Variants in SOX5 observed in about 807,000 individuals in gnomAD.
SOX5 encodes SRY-box transcription factor 5, also known as transcription factor SOX-5.
A neutral mutation model predicts 92.0 loss-of-function variants in SOX5; 9 were observed. The ratio of observed to expected loss-of-function variants is 0.10; its 90% CI spans 0.06 to 0.17. The LOEUF (loss-of-function observed/expected upper bound fraction) is 0.17. SOX5 is among the 10% of genes least tolerant of loss of function. The probability of loss-of-function intolerance (pLI) is 1.00; values close to 1 mark genes in which losing one functional copy is unlikely to be tolerated. For synonymous variants in SOX5, 344 were observed against 336.3 expected, an observed-to-expected ratio of 1.02 and a Z score of -0.25; for missense variants, 642 against 944.5, an observed-to-expected ratio of 0.68 and a Z score of 4.20.
intron 4 of SOX5, among the ~76,000 whole-genome samples, chr12:24,043,819 C>T (rs899957659): frequency 6.6e-6 from 1 of 152,046 alleles, no homozygotes; most frequent in African/African-American, 2.4e-5. Context: ...AGGAGAAGAA[C>T]AATATATAAT....
At chr12:24,511,829 G>T (rs991487895) in intron 1 of SOX5, among the ~76,000 whole-genome samples, 1 of 151,834 alleles carries the variant, frequency 6.6e-6, no homozygotes. Flanking sequence ...GTGGTGGCGG[G>T]TGCCTGTAGT....
At chr12:23,643,040 T>A (rs1364029269) in intron 7 of SOX5, among the ~76,000 whole-genome samples, 1,754 of 119,744 alleles carry the variant, frequency 0.015, 66 homozygotes, top group African/African-American at 0.055. Context: ...TGAGCCGAGA[T>A]CCCGCCACTG....
chr12:24,482,779 T>C (rs1946136921), intron 1 of SOX5, among the ~76,000 whole-genome samples: 1 of 152,166 alleles, frequency 6.6e-6, no homozygotes, highest in Non-Finnish European at 1.5e-5. Flanking sequence ...ACCACATAAA[T>C]GTGGATTAAT....
chr12:23,749,385 T>C lies in SOX5; in HGVS notation c.568+6253A>G, dbSNP rs904915879. On this transcript the variant is annotated intron_variant, in intron 4 of 14. Transcript: ENST00000451604. ...ATTCTTACCTTTTTAAATATGTTTA[T>C]GATTTCTTTTGACATGATAATGTTG... Among the ~76,000 whole-genome samples, 14 of 152,058 alleles carry C rather than the reference T, an allele frequency of 9.2e-5. No individual in the cohort carries two copies. In the East Asian group the frequency reaches 2.5e-3, roughly 27 times the overall value.
At chr12:24,294,081 C>G (rs539664570) in intron 2 of SOX5, among the ~76,000 whole-genome samples, 1 of 152,288 alleles carries the variant, frequency 6.6e-6, no homozygotes, top group South Asian at 2.1e-4. Context: ...TACATGTGTT[C>G]GTAAGTGCAG....
chr12:24,545,912 C>A (rs1461543149), intron 1 of SOX5, among the ~76,000 whole-genome samples: 1 of 152,176 alleles, frequency 6.6e-6, no homozygotes, highest in Admixed American at 6.5e-5. Flanking sequence ...TCCCCATTGG[C>A]GAGCTGAAGC....
At chr12:23,801,528 T>A (rs556966712) in intron 3 of SOX5, among the ~76,000 whole-genome samples, 43 of 152,332 alleles carry the variant, frequency 2.8e-4, no homozygotes, top group African/African-American at 9.6e-4. Context: ...TCCTTTTACG[T>A]ACATTTTGTG....
intron 1 of SOX5, among the ~76,000 whole-genome samples, chr12:23,925,377 G>C (rs2139002741): frequency 6.6e-6 from 1 of 152,174 alleles, no homozygotes; most frequent in East Asian, 1.9e-4. Context: ...ATTTATAGGA[G>C]AGTGGTTCAT....
At chr12:23,715,835 T>A (rs370889856) in intron 6 of SOX5, among the ~76,000 whole-genome samples, 99 of 125,048 alleles carry the variant, frequency 7.9e-4, no homozygotes, top group Non-Finnish European at 1.2e-3. Context: ...AAAAAAAAAC[T>A]TGGCCTCAAA....
chr12:24,526,225 T>G (rs1197349121), intron 1 of SOX5, among the ~76,000 whole-genome samples: 1 of 151,918 alleles, frequency 6.6e-6, no homozygotes, highest in African/African-American at 2.4e-5. Flanking sequence ...AAATGTGTAG[T>G]AGCTGGAAAG....
At chr12:23,611,394 G>GTGTGTA (rs557191910) in intron 8 of SOX5, among the ~76,000 whole-genome samples, 255 of 148,446 alleles carry the variant, frequency 1.7e-3, no homozygotes, top group African/African-American at 5.4e-3. Context: ...GTGTGTGTGT[G>GTGTGTA]TATTTATACA....
chr12:24,085,293 G>T (rs1170057596), intron 4 of SOX5, among the ~76,000 whole-genome samples: 5 of 152,034 alleles, frequency 3.3e-5, no homozygotes, highest in Non-Finnish European at 5.9e-5. Flanking sequence ...TGTAATGTGG[G>T]CTCATGCCAG....
chr12:24,331,848 CAAAAAAAAAAAA>C (rs10627494), intron 2 of SOX5, among the ~76,000 whole-genome samples: 1 of 31,658 alleles, frequency 3.2e-5, no homozygotes, highest in Non-Finnish European at 5.2e-5. Flanking sequence ...AAGACTGTCT[CAAAAAAAAAAAA>C]AAAAAAAAAA....
chr12:24,212,574 G>A, intron 4 of SOX5: 2 of 494,402 alleles, frequency 4.0e-6, no homozygotes, highest in South Asian at 1.5e-5. Flanking sequence ...CAATAATAGT[G>A]AGAGTTGTGA....
Position 23,584,571 on chromosome 12 carries a change from A to C in SOX5, c.1165-8733T>G, listed in dbSNP as rs770995996. 5.6e-6 allele frequency: 9 copies of C among 1,611,726 alleles called. No individual in the cohort carries two copies. In the South Asian group the frequency reaches 9.9e-5, roughly 18 times the overall value. The stretch of plus-strand genomic sequence containing the variant: ...CATGCATGCACAGCTCCTATGGCAC[A>C]AATCTCCAACAGTCTGGTGAACCCA... On this transcript the variant is annotated intron_variant, in intron 9 of 14. Transcript: ENST00000451604.
intron 1 of SOX5, among the ~76,000 whole-genome samples, chr12:24,400,937 G>C (rs1961383827): frequency 6.6e-6 from 1 of 152,174 alleles, no homozygotes; most frequent in Non-Finnish European, 1.5e-5. Context: ...TCACTCCTTT[G>C]AAATAGAAAT....
At chr12:23,681,715 G>A (rs2086654956) in intron 6 of SOX5, among the ~76,000 whole-genome samples, 2 of 151,718 alleles carry the variant, frequency 1.3e-5, no homozygotes, top group South Asian at 4.1e-4. Flanking sequence ...AAACTTTAGT[G>A]TTATAGAAAT....
At chr12:24,114,676 G>A (rs1274526397) in intron 4 of SOX5, among the ~76,000 whole-genome samples, 1 of 147,876 alleles carries the variant, frequency 6.8e-6, no homozygotes, top group Non-Finnish European at 1.5e-5. Context: ...AGGGGTTCAC[G>A]CCTGTGATCC....
intron 4 of SOX5, among the ~76,000 whole-genome samples, chr12:24,100,887 A>T (rs1946014175): frequency 6.6e-6 from 1 of 152,036 alleles, no homozygotes; most frequent in Admixed American, 6.6e-5. Context: ...CTTACATCCC[A>T]TCTGCTTCAT....
Sources: allele counts gnomAD v4.1 joint callset (sites outside exome capture counted in the v4.1 genomes callset), GRCh38; gene constraint gnomAD v4.1.1; transcripts MANE v1.5; gene names NCBI Gene and HGNC (gene_info 2026-07-23, HGNC 2026-07-21).